TFDP2: variants seen among roughly 807,000 people sequenced by gnomAD.
TFDP2 encodes the protein transcription factor Dp-2.
A neutral mutation model predicts 59.3 loss-of-function variants in TFDP2; 17 were observed. The observed-to-expected ratio is 0.29, with a 90% CI of 0.20 to 0.43. The LOEUF (loss-of-function observed/expected upper bound fraction) is 0.43, where lower values mean the gene tolerates loss of function less well. Among genes scored for constraint, TFDP2 ranks in the 20% least tolerant of loss-of-function variants. The pLI, the probability that TFDP2 is intolerant of heterozygous loss-of-function variation, is 1.00. For synonymous variants in TFDP2, 180 were observed against 194.7 expected, an observed-to-expected ratio of 0.92 and a Z score of 0.63; for missense variants, 391 against 528.8, an observed-to-expected ratio of 0.74 and a Z score of 2.56.
At chr3:142,111,447 A>G (rs555386887) in intron 1 of TFDP2, among the ~76,000 whole-genome samples, 119 of 151,684 alleles carry the variant, frequency 7.8e-4, no homozygotes, top group African/African-American at 2.7e-3. Context: ...AAAAAAAAAA[A>G]AGATTCATAT....
intron 4 of TFDP2, among the ~76,000 whole-genome samples, chr3:142,001,954 C>T (rs1053736965): frequency 6.7e-6 from 1 of 149,626 alleles, no homozygotes; most frequent in Non-Finnish European, 1.5e-5. Flanking sequence ...ATCCTCTCTC[C>T]TTAGTCTCCT....
intron 3 of TFDP2, among the ~76,000 whole-genome samples, chr3:142,054,655 C>T (rs2059678343): frequency 6.6e-6 from 1 of 152,144 alleles, no homozygotes; most frequent in Non-Finnish European, 1.5e-5. Context: ...ATGCATATTG[C>T]AATGAAGTCA....
chr3:141,953,483 GT>G (rs11569285), intron 11 of TFDP2, among the ~76,000 whole-genome samples: 2 of 152,210 alleles, frequency 1.3e-5, no homozygotes, highest in East Asian at 3.9e-4. Flanking sequence ...AGACAGACAT[GT>G]TTTGGCCAAA....
intron 1 of TFDP2, among the ~76,000 whole-genome samples, chr3:142,143,672 G>A (rs748975649): frequency 2.6e-5 from 4 of 152,092 alleles, no homozygotes; most frequent in Admixed American, 6.5e-5. Flanking sequence ...GCTGATCATC[G>A]AAGAAATGCA....
intron 6 of TFDP2, among the ~76,000 whole-genome samples, chr3:141,983,630 A>C (rs1319117052): frequency 6.6e-6 from 1 of 152,106 alleles, no homozygotes. Flanking sequence ...CAAGAAAAAA[A>C]AAAAAAAAGG....
At chr3:142,104,882 G>A (rs1392272110) in intron 1 of TFDP2, among the ~76,000 whole-genome samples, 1 of 152,164 alleles carries the variant, frequency 6.6e-6, no homozygotes, top group Non-Finnish European at 1.5e-5. Flanking sequence ...CTGGTTGTAA[G>A]TGTCCTGCTT....
intron 3 of TFDP2, among the ~76,000 whole-genome samples, chr3:142,034,774 G>A (rs1472499080): frequency 6.6e-6 from 1 of 150,416 alleles, no homozygotes; most frequent in Non-Finnish European, 1.5e-5. Context: ...GGAGTGCAGT[G>A]GCGCAATCTC....
At chr3:142,088,584 G>A (rs1039251713) in intron 3 of TFDP2, among the ~76,000 whole-genome samples, 2 of 150,438 alleles carry the variant, frequency 1.3e-5, no homozygotes, top group Non-Finnish European at 3.0e-5. Context: ...TTATAGGTGT[G>A]AGCCACTGCG....
In TFDP2 at chr3:142,088,518, A is replaced by G. The variant is rs573348368; in HGVS notation, c.82+4543T>C. Reference sequence around the variant, plus strand: ...GCTAATTTCTGTATTTTTAGTAGAGACAGGGTTTCATCATGCTGCCTAGGC... The same window carrying G: ...GCTAATTTCTGTATTTTTAGTAGAGGCAGGGTTTCATCATGCTGCCTAGGC... On this transcript the variant is annotated intron_variant, in intron 3 of 12. Coordinates refer to ENST00000489671, the MANE Select transcript of TFDP2 (RefSeq NM_001178139.2). Among the ~76,000 whole-genome samples the G allele has an allele frequency of 1.1e-3, 163 of 151,718 alleles. 1 individual carries two copies. Among genetic ancestry groups the G allele is most frequent in the Admixed American group, 2.8e-3 (42 of 15,232 alleles).
rs200651743 is a variant in TFDP2, at chr3:142,136,333, TTC to T, written c.-93+12848_-93+12849del. On this transcript the variant is annotated intron_variant, in intron 1 of 12. Transcript: ENST00000489671. ...GTCAGATGGGTAGATTGCAAAAATT[TTC>T]TCTGATGAAAAAAAATTTTCTCCCA... Among the ~76,000 whole-genome samples the T allele has an allele frequency of 1.1e-4, 17 of 148,552 alleles. No homozygotes were observed. The East Asian group carries it at 3.3e-3, about 29-fold the overall frequency.
At chr3:141,979,205 A>G (rs1941158067) in intron 6 of TFDP2, among the ~76,000 whole-genome samples, 1 of 152,208 alleles carries the variant, frequency 6.6e-6, no homozygotes, top group African/African-American at 2.4e-5. Context: ...GTGAGTAATA[A>G]TGCATTACTC....
chr3:142,127,148 G>A (rs1560172533), intron 1 of TFDP2, among the ~76,000 whole-genome samples: 1 of 147,846 alleles, frequency 6.8e-6, no homozygotes, highest in Non-Finnish European at 1.5e-5. Context: ...ACAGATATAT[G>A]TATCTATAAG....
intron 3 of TFDP2, among the ~76,000 whole-genome samples, chr3:142,048,556 C>A (rs1947462197): frequency 6.6e-6 from 1 of 151,922 alleles, no homozygotes; most frequent in African/African-American, 2.4e-5. Context: ...CGTTTTCAAC[C>A]TCTGATTTGA....
At chr3:142,096,356 T>A (rs1410617273) in intron 2 of TFDP2, among the ~76,000 whole-genome samples, 1 of 152,188 alleles carries the variant, frequency 6.6e-6, no homozygotes. Context: ...AGCGAAAGCA[T>A]CCTAAAATAT....
intron 3 of TFDP2, among the ~76,000 whole-genome samples, chr3:142,077,503 T>C (rs1302003192): frequency 1.3e-5 from 2 of 152,008 alleles, no homozygotes; most frequent in South Asian, 2.1e-4. Context: ...CACAGTAGAA[T>C]AGGGCACCTG....
At chr3:141,963,180 A>T (rs1372255660) in intron 10 of TFDP2, among the ~76,000 whole-genome samples, 1 of 152,186 alleles carries the variant, frequency 6.6e-6, no homozygotes, top group Non-Finnish European at 1.5e-5. Context: ...CCACTGAGAG[A>T]AACTTTTTCA....
chr3:142,017,777 G>A (rs1029218180), intron 3 of TFDP2, among the ~76,000 whole-genome samples: 5 of 151,540 alleles, frequency 3.3e-5, no homozygotes, highest in South Asian at 2.1e-4. Context: ...GGTTTCGAAC[G>A]CCTGACCTCG....
At chr3:141,968,555 T>TATATAGATATATTTAACATATATATCTC (rs1938734409) in intron 9 of TFDP2, among the ~76,000 whole-genome samples, 1 of 101,622 alleles carries the variant, frequency 9.8e-6, no homozygotes, top group African/African-American at 5.2e-5. Flanking sequence ...ATATATCTCA[T>TATATAGATATATTTAACATATATATCTC]ATATATAGAT....
chr3:141,961,237 GTTTTTTTTTTTTT>G (rs1177754086), intron 10 of TFDP2, among the ~76,000 whole-genome samples: 2 of 84,680 alleles, frequency 2.4e-5, no homozygotes, highest in African/African-American at 4.8e-5. Context: ...GTTTTTTGTT[GTTTTTTTTTTTTT>G]TTTTTTTTTT....
Sources: allele counts gnomAD v4.1 joint callset (sites outside exome capture counted in the v4.1 genomes callset), GRCh38; gene constraint gnomAD v4.1.1; transcripts MANE v1.5; gene names NCBI Gene and HGNC (gene_info 2026-07-23, HGNC 2026-07-21).